Variants in CLIC2 observed in about 807,000 individuals in gnomAD.
CLIC2 encodes chloride intracellular channel protein 2.
A neutral mutation model predicts 14.8 loss-of-function variants in CLIC2; 9 were observed. The observed-to-expected ratio is 0.61, with a 90% confidence interval of 0.37 to 1.06. The LOEUF (loss-of-function observed/expected upper bound fraction) is 1.06. Among genes scored for constraint, CLIC2 ranks in the 50% least tolerant of loss-of-function variants. The pLI, the probability that CLIC2 is intolerant of heterozygous loss-of-function variation, is 0.01. For missense variants in CLIC2, 148 were observed against 181.4 expected (o/e 0.82, Z 1.06); for synonymous variants, 61 against 66.3 (o/e 0.92, Z 0.39).
At chrX:155,323,244 G>C (rs1308100695) in intron 1 of CLIC2, among the ~76,000 whole-genome samples, 1 of 111,393 alleles carries the variant, frequency 9.0e-6, no homozygotes, top group African/African-American at 3.3e-5. Flanking sequence ...AAAATTTCAC[G>C]CCAATATCCC....
chrX:155,325,255 T>C (rs1240421948), intron 1 of CLIC2, among the ~76,000 whole-genome samples: 2 of 111,794 alleles, frequency 1.8e-5, no homozygotes, highest in Non-Finnish European at 3.8e-5. Context: ...ATCCCATTAC[T>C]GGGTATATAC....
intron 3 of CLIC2, among the ~76,000 whole-genome samples, chrX:155,281,138 T>C (rs2074917677): frequency 9.2e-6 from 1 of 108,534 alleles, no homozygotes; most frequent in Non-Finnish European, 1.9e-5. Context: ...TACTCCATGA[T>C]CTCACTTATG....
chrX:155,299,339 CATAATA>C (rs72015229), intron 1 of CLIC2, among the ~76,000 whole-genome samples, 194 bp from the exon 2 acceptor site: 2,782 of 110,025 alleles, frequency 0.025, 40 homozygotes, highest in South Asian at 0.041. Context: ...GTGATGGGTA[CATAATA>C]ATAATAATAA....
At chrX:155,292,954 G>A in intron 3 of CLIC2, 5 of 1,066,886 alleles carry the variant, frequency 4.7e-6, no homozygotes, top group East Asian at 3.0e-5. Context: ...TTACCCAGTG[G>A]CTCTCATCCC....
At chrX:155,305,404 A>C (rs1326840111) in intron 1 of CLIC2, among the ~76,000 whole-genome samples, 6 of 112,773 alleles carry the variant, frequency 5.3e-5, no homozygotes, top group African/African-American at 1.6e-4. Context: ...GCTCTTCCCA[A>C]GTGAGGCAAT....
At chrX:155,279,118 C>T (rs2124146060) in intron 5 of CLIC2, 31 bp downstream of exon 5, 1 of 1,184,652 alleles carries the variant, frequency 8.4e-7, no homozygotes, top group Non-Finnish European at 1.1e-6. Flanking sequence ...AAACCCCTCC[C>T]ACCCATTCAG....
intron 3 of CLIC2, among the ~76,000 whole-genome samples, chrX:155,288,286 T>C (rs2074950195): frequency 8.9e-6 from 1 of 112,209 alleles, no homozygotes; most frequent in Non-Finnish European, 1.9e-5. Context: ...ATTGTCTAGG[T>C]ATGATAATGC....
At chrX:155,287,140 A>C (rs782101734) in intron 3 of CLIC2, among the ~76,000 whole-genome samples, 2 of 111,349 alleles carry the variant, frequency 1.8e-5, no homozygotes, top group Non-Finnish European at 3.8e-5. Context: ...ATTTTTGTAT[A>C]TGGTATAAGG....
chrX:155,304,838 C>T (rs1220393414), intron 1 of CLIC2, among the ~76,000 whole-genome samples: 21 of 82,248 alleles, frequency 2.6e-4, no homozygotes, highest in Admixed American at 8.5e-4. Context: ...AGTACCCTGC[C>T]GTGTGAGGTG....
At chrX:155,300,352 T>C (rs2075011993) in intron 1 of CLIC2, among the ~76,000 whole-genome samples, 1 of 110,394 alleles carries the variant, frequency 9.1e-6, no homozygotes, top group South Asian at 3.9e-4. Context: ...TTTTCATGTG[T>C]TTTTTGGCTG....
chrX:155,304,903 G>A (rs782265667), intron 1 of CLIC2, among the ~76,000 whole-genome samples: 1 of 101,388 alleles, frequency 9.9e-6, no homozygotes, highest in Non-Finnish European at 2.0e-5. Flanking sequence ...GGGGTCAGGG[G>A]TCAGGGACCC....
intron 3 of CLIC2, chrX:155,290,720 T>C: frequency 1.3e-6 from 1 of 770,683 alleles, no homozygotes; most frequent in African/African-American, 2.0e-5. Context: ...AATCTTTTAG[T>C]TCTGTATTTG....
intron 3 of CLIC2, among the ~76,000 whole-genome samples, chrX:155,297,069 T>A (rs1263102723): frequency 1.8e-5 from 2 of 112,004 alleles, no homozygotes; most frequent in African/African-American, 6.5e-5. Context: ...TAAGTGTCCA[T>A]CAACAGATAA....
At chrX:155,324,622 A>G (rs1557322112) in intron 1 of CLIC2, among the ~76,000 whole-genome samples, 2 of 112,140 alleles carry the variant, frequency 1.8e-5, no homozygotes, top group Non-Finnish European at 1.9e-5. Flanking sequence ...CTCAAGATGG[A>G]TTAAAAACTT....
chrX:155,291,076 AT>A (rs2074962908), intron 3 of CLIC2: 1 of 869,762 alleles, frequency 1.1e-6, no homozygotes, highest in Non-Finnish European at 1.7e-6. Flanking sequence ...GTTGCTGCAT[AT>A]AACCTTTTTT....
At chrX:155,280,566 G>A (rs781799679) in intron 3 of CLIC2, among the ~76,000 whole-genome samples, 45 of 110,771 alleles carry the variant, frequency 4.1e-4, no homozygotes, top group Middle Eastern at 4.7e-3. Flanking sequence ...GGTGGCGGGC[G>A]CCTGTAGTTC....
intron 3 of CLIC2, chrX:155,290,254 A>T (rs1359730291): frequency 3.4e-5 from 6 of 175,885 alleles, no homozygotes; most frequent in Non-Finnish European, 6.5e-5. Flanking sequence ...AAAAAGTACA[A>T]TTTTTTCCCT....
rs782374386 is a variant in CLIC2, at chrX:155,279,968, T to G, written c.394A>C (p.Asn132His). The G allele has an allele frequency of 1.7e-6, 2 of 1,170,710 alleles. No homozygotes were observed. The highest frequency in any genetic ancestry group is 2.3e-6 in the Non-Finnish European group (2 of 858,223). The change falls in exon 4 of 6, where the codon AAT becomes CAT. Residue 132 changes from asparagine to histidine, a missense_variant. By Grantham distance (68) the Asn-to-His change is moderately conservative (BLOSUM62 1). Coordinates refer to ENST00000369449, the MANE Select transcript of CLIC2 (RefSeq NM_001289.6). ...TTAAAGAAAGGTATCTTACTCTTATTTGCCTCCTTTTGTGTATTCTTAATG... is the reference window on the plus strand; with the variant it reads ...TTAAAGAAAGGTATCTTACTCTTATGTGCCTCCTTTTGTGTATTCTTAATG... ...AYIKNTQKEA[N>H]KNFEKSLLKE...
chrX:155,284,479 G>A (rs959303906), intron 3 of CLIC2, among the ~76,000 whole-genome samples: 7 of 110,249 alleles, frequency 6.3e-5, no homozygotes, highest in African/African-American at 2.3e-4. Context: ...GGCTGGTCTC[G>A]AACTCCTGAC....
Sources: gnomAD v4.1 joint callset for allele counts (sites outside exome capture counted in the v4.1 genomes callset) on GRCh38, gnomAD v4.1.1 for gene constraint, MANE v1.5 for transcripts, NCBI Gene and HGNC (gene_info 2026-07-23, HGNC 2026-07-21) for gene names.